Variants in LAMA2 observed in about 807,000 individuals in gnomAD.
LAMA2 encodes laminin subunit alpha 2.
A neutral mutation model predicts 364.8 loss-of-function variants in LAMA2; 269 were observed. That is an observed-to-expected ratio of 0.74 (90% CI 0.67 to 0.82). The LOEUF (loss-of-function observed/expected upper bound fraction) is 0.82, where lower values mean the gene tolerates loss of function less well. LAMA2 is among the 40% of genes least tolerant of loss of function. The probability of loss-of-function intolerance (pLI) is 0.00; values close to 1 mark genes in which losing one functional copy is unlikely to be tolerated. For synonymous variants in LAMA2, 1,379 were observed against 1,370.6 expected, an observed-to-expected ratio of 1.01 and a Z score of -0.14; for missense variants, 3,807 against 3,873.2, an observed-to-expected ratio of 0.98 and a Z score of 0.45.
chr6:129,497,621 C>T (rs1785292174), intron 58 of LAMA2, among the ~76,000 whole-genome samples: 1 of 152,102 alleles, frequency 6.6e-6, no homozygotes, highest in South Asian at 2.1e-4. Context: ...TTATGAGCTC[C>T]ATATTTGTGC....
At chr6:129,058,539 C>T (rs1788647816) in intron 2 of LAMA2, among the ~76,000 whole-genome samples, 1 of 152,176 alleles carries the variant, frequency 6.6e-6, no homozygotes, top group South Asian at 2.1e-4. Flanking sequence ...TCATCTCCTT[C>T]CTTGCCATTA....
chr6:128,931,871 T>C (rs1365997940), intron 1 of LAMA2, among the ~76,000 whole-genome samples: 3 of 152,236 alleles, frequency 2.0e-5, no homozygotes, highest in African/African-American at 4.8e-5. Flanking sequence ...GGGACTGTTA[T>C]TGTAAAATCT....
At chr6:129,444,127 AT>A (rs1160314904) in intron 44 of LAMA2, among the ~76,000 whole-genome samples, 2 of 152,176 alleles carry the variant, frequency 1.3e-5, no homozygotes, top group Non-Finnish European at 2.9e-5. Flanking sequence ...AAGGGAGGAA[AT>A]TTAACACATA....
At chr6:129,158,598 C>A in intron 8 of LAMA2, 1 of 1,614,042 alleles carries the variant, frequency 6.2e-7, no homozygotes, top group Non-Finnish European at 8.5e-7. Context: ...ATGTTTGTAA[C>A]AAAAGCAGCT....
intron 20 of LAMA2, among the ~76,000 whole-genome samples, chr6:129,297,114 T>C (rs766544091): frequency 2.6e-5 from 4 of 152,208 alleles, no homozygotes; most frequent in Non-Finnish European, 5.9e-5. Context: ...TTGAACCAAT[T>C]ATTTGATCAG....
rs2115016095 is a variant in LAMA2, at chr6:129,177,740, T to A, written c.1341T>A (p.Gly447=). The change falls in exon 10 of 65, where the codon GGT becomes GGA. Residue 447 remains glycine (G), a synonymous_variant. Coordinates refer to ENST00000421865, the MANE Select transcript of LAMA2 (RefSeq NM_000426.4). Reference sequence around the variant, plus strand: ...CTGGATCCTGTCATTGCAAAACTGGTTTTGGAGGTGTGAGCTGTGATCGGT... The same window carrying A: ...CTGGATCCTGTCATTGCAAAACTGGATTTGGAGGTGTGAGCTGTGATCGGT... ...LAPGSCHCKT[G]FGGVSCDRCA... 6.2e-7 allele frequency: 1 copy of A among 1,613,956 alleles called. No homozygotes were observed. Among genetic ancestry groups the A allele is most frequent in the Non-Finnish European group, 8.5e-7 (1 of 1,179,932 alleles).
rs192783280 is a variant in LAMA2 at position 129,406,849 on chromosome 6, T to C, written c.5865+2890T>C. Among the ~76,000 whole-genome samples, 526 of 152,244 alleles carry C rather than the reference T, an allele frequency of 3.5e-3. 3 individuals carry two copies. Among genetic ancestry groups the C allele is most frequent in the African/African-American group, 0.012 (509 of 41,542 alleles). The stretch of plus-strand genomic sequence containing the variant: ...GTCCCACAATAGGCCATCTGCAAGC[T>C]GAGGAGCAGGGAAGCCAGCCCGAGT... On this transcript the variant is annotated intron_variant, in intron 40 of 64. Coordinates refer to ENST00000421865, the MANE Select transcript of LAMA2 (RefSeq NM_000426.4).
At chr6:129,065,951 CT>C (rs1789269841) in intron 3 of LAMA2, among the ~76,000 whole-genome samples, 1 of 151,632 alleles carries the variant, frequency 6.6e-6, no homozygotes, top group Admixed American at 6.6e-5. Context: ...TCCTCCTTAC[CT>C]TCCACCATGA....
At chr6:129,301,881 G>A (rs1172900628) in intron 22 of LAMA2, among the ~76,000 whole-genome samples, 1 of 151,990 alleles carries the variant, frequency 6.6e-6, no homozygotes, top group South Asian at 2.1e-4. Context: ...AAATAGAATC[G>A]TAGTCTGTTT....
chr6:129,075,073 TG>T (rs1773544531), intron 3 of LAMA2, among the ~76,000 whole-genome samples: 1 of 151,632 alleles, frequency 6.6e-6, no homozygotes, highest in African/African-American at 2.4e-5. Flanking sequence ...TGCAAGTTCA[TG>T]AAAAAAAAAG....
chr6:129,122,479 G>A (rs1240120255), intron 4 of LAMA2, among the ~76,000 whole-genome samples: 1 of 152,138 alleles, frequency 6.6e-6, no homozygotes, highest in African/African-American at 2.4e-5. Context: ...GCTATTCTTT[G>A]CTTCATGACT....
intron 1 of LAMA2, among the ~76,000 whole-genome samples, chr6:129,045,396 T>C (rs1787405728): frequency 6.6e-6 from 1 of 152,218 alleles, no homozygotes; most frequent in African/African-American, 2.4e-5. Context: ...GACCAGATTT[T>C]GGTTCTACTT....
intron 56 of LAMA2, among the ~76,000 whole-genome samples, chr6:129,489,085 G>C (rs1336843041): frequency 6.6e-6 from 1 of 152,134 alleles, no homozygotes; most frequent in Admixed American, 6.5e-5. Flanking sequence ...TTACATTTTT[G>C]TGTGACCATA....
chr6:129,319,416 A>T (rs574523972), intron 27 of LAMA2, among the ~76,000 whole-genome samples: 1 of 152,354 alleles, frequency 6.6e-6, no homozygotes, highest in Admixed American at 6.5e-5. Flanking sequence ...GATATCAGAC[A>T]TCCAATATAC....
intron 4 of LAMA2, among the ~76,000 whole-genome samples, chr6:129,106,992 A>G (rs372267226): frequency 5.9e-5 from 9 of 152,164 alleles, no homozygotes; most frequent in African/African-American, 1.7e-4. Flanking sequence ...TCCTGAGGAG[A>G]AAACACCAAT....
At chr6:128,942,475 T>C (rs1346109507) in intron 1 of LAMA2, among the ~76,000 whole-genome samples, 1 of 152,210 alleles carries the variant, frequency 6.6e-6, no homozygotes, top group East Asian at 1.9e-4. Flanking sequence ...AAATGCTGAA[T>C]AAATTAGTGT....
intron 1 of LAMA2, among the ~76,000 whole-genome samples, chr6:129,048,565 C>CTCTT (rs1787760322): frequency 7.8e-6 from 1 of 128,458 alleles, no homozygotes; most frequent in Non-Finnish European, 1.6e-5. Flanking sequence ...CTCTCTCTCT[C>CTCTT]TCTTTCTTTC....
chr6:129,385,533 A>C (rs1015626777), intron 35 of LAMA2, among the ~76,000 whole-genome samples: 6 of 152,120 alleles, frequency 3.9e-5, no homozygotes, highest in African/African-American at 1.4e-4. Flanking sequence ...ACATTTATCT[A>C]TTTCAGCTTT....
chr6:129,100,302 A>G (rs1447339335), intron 4 of LAMA2, among the ~76,000 whole-genome samples: 2 of 152,202 alleles, frequency 1.3e-5, no homozygotes, highest in Non-Finnish European at 2.9e-5. Context: ...TATTGATGGT[A>G]ACTATTAGGA....
Sources: allele counts gnomAD v4.1 joint callset (sites outside exome capture counted in the v4.1 genomes callset), GRCh38; gene constraint gnomAD v4.1.1; transcripts MANE v1.5; gene names NCBI Gene and HGNC (gene_info 2026-07-23, HGNC 2026-07-21).